RAB3GAP2: variants seen among roughly 807,000 people sequenced by gnomAD.
The protein encoded by RAB3GAP2 is RAB3 GTPase activating non-catalytic protein subunit 2, also known as rab3 GTPase-activating protein non-catalytic subunit.
In RAB3GAP2, 87 loss-of-function variants were observed where a neutral mutation model predicts 185.3. That is an observed-to-expected ratio of 0.47 (90% CI 0.39 to 0.56). The LOEUF (loss-of-function observed/expected upper bound fraction) is 0.56. Among genes scored for constraint, RAB3GAP2 ranks in the 20% least tolerant of loss-of-function variants. The pLI is 0.00. For synonymous variants in RAB3GAP2, 554 were observed against 576.1 expected (o/e 0.96, Z 0.55); for missense variants, 1,492 against 1,638.2 (o/e 0.91, Z 1.54).
At chr1:220,270,076 C>A (rs1044402066) in intron 1 of RAB3GAP2, among the ~76,000 whole-genome samples, 2 of 152,196 alleles carry the variant, frequency 1.3e-5, no homozygotes, top group African/African-American at 4.8e-5. Flanking sequence ...GTTACCTCCA[C>A]CTTCTCAAAA....
chr1:220,219,407 T>C (rs1449144953), intron 2 of RAB3GAP2: 3 of 152,178 alleles, frequency 2.0e-5, no homozygotes, highest in Non-Finnish European at 4.4e-5. Context: ...ATGCCAATAC[T>C]ATAGATAATA....
Position 220,154,266 on chromosome 1 carries a change from C to A in RAB3GAP2, c.3556-209G>T, listed in dbSNP as rs1657816966. ...CCAGTGATCCCCTCCTCCTGGTATT[C>A]GTGTTTCCTATAGTCTCCTCTCCTT... On this transcript the variant is annotated intron_variant, in intron 31 of 34. Coordinates refer to ENST00000358951, the MANE Select transcript of RAB3GAP2 (RefSeq NM_012414.4). The A allele has an allele frequency of 4.7e-6, 3 of 636,422 alleles. No individual in the cohort carries two copies. In the South Asian group the frequency reaches 6.3e-5, roughly 13 times the overall value. 39.4% of individuals were successfully genotyped at this position (636,422 alleles called of 1,614,324 possible). A position where few individuals can be genotyped will look rare whatever the true frequency, so the allele number is the denominator to read the frequency against.
intron 1 of RAB3GAP2, among the ~76,000 whole-genome samples, chr1:220,244,352 G>A (rs923110398): frequency 3.9e-5 from 6 of 152,246 alleles, no homozygotes; most frequent in African/African-American, 1.4e-4. Flanking sequence ...TAACCAAGAA[G>A]GCAGAAGATC....
intron 2 of RAB3GAP2, among the ~76,000 whole-genome samples, chr1:220,215,007 A>T (rs1244100693): frequency 7.9e-6 from 1 of 126,762 alleles, no homozygotes; most frequent in Non-Finnish European, 1.6e-5. Flanking sequence ...CTCTTAACAT[A>T]TTCATTAGAC....
intron 1 of RAB3GAP2, among the ~76,000 whole-genome samples, chr1:220,244,878 A>G (rs1463116143): frequency 2.0e-5 from 3 of 152,206 alleles, no homozygotes; most frequent in Admixed American, 2.0e-4. Context: ...ATCCTGGAAG[A>G]TAACATTGGA....
intron 2 of RAB3GAP2, among the ~76,000 whole-genome samples, chr1:220,229,430 C>G (rs2102890048): frequency 6.6e-6 from 1 of 152,170 alleles, no homozygotes; most frequent in South Asian, 2.1e-4. Flanking sequence ...CTTCTCTGAC[C>G]CCATTGCATA....
intron 1 of RAB3GAP2, among the ~76,000 whole-genome samples, chr1:220,243,142 C>T (rs1179041193): frequency 6.6e-6 from 1 of 152,036 alleles, no homozygotes; most frequent in African/African-American, 2.4e-5. Context: ...ATCACAAGGT[C>T]AGGAGATCGA....
At position 220,206,019 on chromosome 1, in the gene RAB3GAP2, TA is replaced by T. The variant is rs572027376; in HGVS notation, c.613-14del. The T allele has an allele frequency of 0.024, 27,534 of 1,124,766 alleles. 17 individuals carry two copies. Among genetic ancestry groups the T allele is most frequent in the African/African-American group, 0.036 (2,169 of 60,708 alleles). 69.7% of individuals were successfully genotyped at this position (1,124,766 alleles called of 1,614,324 possible). ...TCAACTCTTCATTCTATTTAAGAAA[TA>T]AAAAAAAAAAGTTCTTGAATAGATA... On this transcript the variant is annotated splice_polypyrimidine_tract_variant and intron_variant, in intron 7 of 34. Transcript: ENST00000358951.
chr1:220,205,832 C>T, intron 8 of RAB3GAP2, 75 bp downstream of exon 8: 1 of 1,119,122 alleles, frequency 8.9e-7, no homozygotes, highest in Admixed American at 2.0e-5. Context: ...AGAAGACATA[C>T]TTAATTCCAT....
chr1:220,151,233 ATTTCCAGTAGGTAAG>A lies in RAB3GAP2; in HGVS notation c.*3_*17del. 1 of 1,609,300 alleles carries A rather than the reference ATTTCCAGTAGGTAAG, an allele frequency of 6.2e-7. No individual in the cohort carries two copies. The highest frequency in any genetic ancestry group is 8.5e-7 in the Non-Finnish European group (1 of 1,176,092). Reference sequence around the variant, plus strand: ...CATGTTATAATCATAATTTTAGACTATTTCCAGTAGGTAAGTGTCATAAAGAAGGAAGAGATATGG... The same window carrying A: ...CATGTTATAATCATAATTTTAGACTATGTCATAAAGAAGGAAGAGATATGG... On this transcript the variant is annotated 3_prime_UTR_variant, in exon 35 of 35. Transcript: ENST00000358951.
intron 1 of RAB3GAP2, among the ~76,000 whole-genome samples, chr1:220,235,026 A>T (rs1057265958): frequency 2.6e-5 from 4 of 152,186 alleles, no homozygotes; most frequent in African/African-American, 9.7e-5. Flanking sequence ...TTCGACCAAA[A>T]TCACACAGGA....
intron 17 of RAB3GAP2, among the ~76,000 whole-genome samples, chr1:220,187,697 A>G (rs1030450609): frequency 6.6e-6 from 1 of 152,056 alleles, no homozygotes; most frequent in Non-Finnish European, 1.5e-5. Flanking sequence ...GTGGCTTGCC[A>G]GGAGAGGGAA....
At chr1:220,237,547 G>C (rs1659615897) in intron 1 of RAB3GAP2, among the ~76,000 whole-genome samples, 1 of 152,172 alleles carries the variant, frequency 6.6e-6, no homozygotes, top group Non-Finnish European at 1.5e-5. Context: ...TTAAAATAAT[G>C]AGTTAGGGAT....
chr1:220,271,975 A>G (rs549851784), intron 1 of RAB3GAP2, among the ~76,000 whole-genome samples: 2 of 151,684 alleles, frequency 1.3e-5, no homozygotes, highest in South Asian at 4.2e-4. Flanking sequence ...GCGAGAGGAA[A>G]CAAGACGCAG....
chr1:220,242,183 A>G (rs1471449670), intron 1 of RAB3GAP2, among the ~76,000 whole-genome samples: 2 of 152,210 alleles, frequency 1.3e-5, no homozygotes, highest in Admixed American at 1.3e-4. Flanking sequence ...AACATGGAAT[A>G]TTTTGGTTCC....
At chr1:220,218,017 G>GA (rs1299251810) in intron 2 of RAB3GAP2, among the ~76,000 whole-genome samples, 1 of 152,158 alleles carries the variant, frequency 6.6e-6, no homozygotes, top group Non-Finnish European at 1.5e-5. Flanking sequence ...ATTGGAAATA[G>GA]ATGTCACTTG....
intron 2 of RAB3GAP2, among the ~76,000 whole-genome samples, chr1:220,216,357 A>G (rs1659202018): frequency 6.6e-6 from 1 of 152,196 alleles, no homozygotes; most frequent in South Asian, 2.1e-4. Flanking sequence ...ATTATCCCCC[A>G]AAGATAAAAG....
chr1:220,153,420 A>G lies in RAB3GAP2; in HGVS notation c.3646-14T>C, dbSNP rs780101205. ...TTTCAATAAGAACTTGAAAATGGAG[A>G]AAGAGATAGAGCAATGCATTGTTAC... On this transcript the variant is annotated splice_polypyrimidine_tract_variant and intron_variant, in intron 32 of 34. Coordinates refer to ENST00000358951, the MANE Select transcript of RAB3GAP2 (RefSeq NM_012414.4). 6.2e-7 allele frequency: 1 copy of G among 1,604,732 alleles called. No homozygotes were observed. Among genetic ancestry groups the G allele is most frequent in the East Asian group, 2.2e-5 (1 of 44,848 alleles).
chr1:220,272,073 G>T, intron 1 of RAB3GAP2, 150 bp downstream of exon 1: 1 of 723,630 alleles, frequency 1.4e-6, no homozygotes. Context: ...AGGTGGGCAG[G>T]GTGTCATCCC....
Sources: allele counts gnomAD v4.1 joint callset (sites outside exome capture counted in the v4.1 genomes callset), GRCh38; gene constraint gnomAD v4.1.1; transcripts MANE v1.5; gene names NCBI Gene and HGNC (gene_info 2026-07-23, HGNC 2026-07-21).